HGF: variants seen among roughly 807,000 people sequenced by gnomAD.
HGF encodes the protein fibroblast-derived tumor cytotoxic factor.
Under a neutral mutation model 111.6 loss-of-function variants are expected in HGF, and 39 were observed. The ratio of observed to expected loss-of-function variants is 0.35; its 90% CI spans 0.27 to 0.46. HGF has a LOEUF of 0.46. Among genes scored for constraint, HGF ranks in the 20% least tolerant of loss-of-function variants. The pLI is 1.00. For synonymous variants in HGF, 285 were observed against 294.8 expected (o/e 0.97, Z 0.34); for missense variants, 735 against 910.5 (o/e 0.81, Z 2.48).
In HGF at chr7:81,745,016, T is replaced by G. The variant is rs1160466557; in HGVS notation, c.730A>C (p.Lys244Gln). 1.2e-6 allele frequency: 2 copies of G among 1,614,074 alleles called. No homozygotes were observed. Among genetic ancestry groups the G allele is most frequent in the Non-Finnish European group, 8.5e-7 (1 of 1,179,994 alleles). Residue 244 changes from lysine (K) to glutamine (Q), a missense_variant, in exon 6 of 18, where the codon AAA (lysine) becomes CAA (glutamine). By Grantham distance (53) the Lys-to-Gln change is moderately conservative (BLOSUM62 1). Around this residue, in one of 3 missense-constraint regions of HGF, gnomAD observed 553 missense variants for 685.6 expected, o/e 0.81. Transcript: ENST00000222390. The part of the protein sequence containing the change: ...RWDHQTPHRH[K>Q]FLPERYPDKG... ...ATATTTTACCTTTCAGGCAAGAATT[T>G]GTGCCGGTGTGGTGTCTGATGATCC... is the stretch of plus-strand genomic sequence containing the variant.
At chr7:81,757,962 T>C (rs1342325868) in intron 3 of HGF, among the ~76,000 whole-genome samples, 2 of 152,104 alleles carry the variant, frequency 1.3e-5, no homozygotes, top group African/African-American at 4.8e-5. Flanking sequence ...AAGATTAACT[T>C]ACTTCTACCA....
chr7:81,710,115 G>A, intron 13 of HGF, 32 bp downstream of exon 13: 2 of 1,336,666 alleles, frequency 1.5e-6, no homozygotes, highest in Non-Finnish European at 1.1e-6. Context: ...ACATATTCTG[G>A]ATATGCATGA....
At chr7:81,712,218 T>C (rs1417740889) in intron 11 of HGF, among the ~76,000 whole-genome samples, 1 of 152,158 alleles carries the variant, frequency 6.6e-6, no homozygotes. Context: ...AGCACTCGTG[T>C]TCATTATTGT....
In HGF at chr7:81,758,818, C is replaced by T. The variant is rs2116205214; in HGVS notation, c.255-14G>A. The stretch of plus-strand genomic sequence containing the variant: ...AAAACAAAAGCCCTGAAAAAAATAT[C>T]AGAATGAAAAGAAGAAATACTACTA... On this transcript the variant is annotated splice_polypyrimidine_tract_variant and intron_variant, in intron 2 of 17. Transcript: ENST00000222390. 6.5e-7 allele frequency: 1 copy of T among 1,536,574 alleles called. No individual in the cohort carries two copies. Among genetic ancestry groups the T allele is most frequent in the Non-Finnish European group, 9.0e-7 (1 of 1,110,556 alleles).
At chr7:81,746,624 A>G (rs1375134261) in intron 5 of HGF, among the ~76,000 whole-genome samples, 1 of 151,886 alleles carries the variant, frequency 6.6e-6, no homozygotes, top group Admixed American at 6.6e-5. Context: ...TACAATTTCT[A>G]CTCTTGTATA....
At chr7:81,733,308 T>C (rs1182593373) in intron 7 of HGF, among the ~76,000 whole-genome samples, 2 of 151,910 alleles carry the variant, frequency 1.3e-5, no homozygotes, top group Non-Finnish European at 2.9e-5. Flanking sequence ...TTAATACAAA[T>C]ATAATATTTT....
At chr7:81,734,813 G>A (rs577766989) in intron 7 of HGF, among the ~76,000 whole-genome samples, 33 of 152,048 alleles carry the variant, frequency 2.2e-4, no homozygotes, top group African/African-American at 7.5e-4. Context: ...TTACATCTAC[G>A]GTTTTCACCA....
chr7:81,736,248 A>T (rs1198618894), intron 7 of HGF, among the ~76,000 whole-genome samples: 1 of 152,138 alleles, frequency 6.6e-6, no homozygotes, highest in Non-Finnish European at 1.5e-5. Context: ...TAAACAATTC[A>T]TACGTTTCAA....
At chr7:81,766,122 G>T (rs997204372) in intron 1 of HGF, among the ~76,000 whole-genome samples, 1 of 152,150 alleles carries the variant, frequency 6.6e-6, no homozygotes. Flanking sequence ...AGAAAGTAGG[G>T]TCAAATGTAT....
chr7:81,722,350 A>C (rs1339966850), intron 9 of HGF, among the ~76,000 whole-genome samples: 1 of 151,508 alleles, frequency 6.6e-6, no homozygotes, highest in Non-Finnish European at 1.5e-5. Flanking sequence ...TTTTTAGTAG[A>C]GATGGGGTTT....
At chr7:81,703,814 G>A (rs1189237634) in intron 17 of HGF, among the ~76,000 whole-genome samples, 2 of 151,582 alleles carry the variant, frequency 1.3e-5, no homozygotes, top group Non-Finnish European at 3.0e-5. Flanking sequence ...GAGAGCCATT[G>A]GCATTCTGTG....
chr7:81,747,868 G>A (rs1196769759), intron 5 of HGF, among the ~76,000 whole-genome samples: 1 of 152,108 alleles, frequency 6.6e-6, no homozygotes, highest in Admixed American at 6.5e-5. Context: ...AGGAGGTGGA[G>A]GCTGCACTGA....
At chr7:81,721,010 C>G (rs568939764) in intron 9 of HGF, among the ~76,000 whole-genome samples, 163 bp from the exon 10 acceptor site, 1 of 152,318 alleles carries the variant, frequency 6.6e-6, no homozygotes, top group Admixed American at 6.5e-5. Flanking sequence ...CTTTGGGAGG[C>G]CAAGGCGGGC....
intron 9 of HGF, among the ~76,000 whole-genome samples, chr7:81,723,391 A>G (rs1307355916): frequency 1.3e-5 from 2 of 152,080 alleles, no homozygotes; most frequent in Non-Finnish European, 2.9e-5. Flanking sequence ...ATGCCTATGG[A>G]TATATCAAAT....
At chr7:81,726,803 T>G (rs1790023883) in intron 8 of HGF, among the ~76,000 whole-genome samples, 1 of 151,968 alleles carries the variant, frequency 6.6e-6, no homozygotes, top group Non-Finnish European at 1.5e-5. Flanking sequence ...CTTTTAATGG[T>G]TTTCTATCAA....
chr7:81,753,221 A>G (rs576508137), intron 4 of HGF, among the ~76,000 whole-genome samples: 1 of 152,192 alleles, frequency 6.6e-6, no homozygotes, highest in South Asian at 2.1e-4. Context: ...AGTCTTTTTT[A>G]TACTTTTGTA....
intron 1 of HGF, among the ~76,000 whole-genome samples, chr7:81,765,318 T>A (rs1044940921): frequency 1.3e-5 from 2 of 152,112 alleles, no homozygotes; most frequent in African/African-American, 4.8e-5. Flanking sequence ...ATCTCCTCAA[T>A]TGTCCTACTG....
chr7:81,727,039 TTTTTTTTTTG>T (rs1562882644), intron 8 of HGF, among the ~76,000 whole-genome samples: 1 of 82,224 alleles, frequency 1.2e-5, no homozygotes, highest in East Asian at 3.8e-4. Flanking sequence ...GAAACTGAGG[TTTTTTTTTTG>T]TTTTTTTTTT....
At chr7:81,723,271 A>T (rs1272899890) in intron 9 of HGF, among the ~76,000 whole-genome samples, 3 of 152,164 alleles carry the variant, frequency 2.0e-5, no homozygotes, top group Non-Finnish European at 4.4e-5. Context: ...GCAAGAGAAG[A>T]GGACACTTCT....
Sources: gnomAD v4.1 joint callset for allele counts (sites outside exome capture counted in the v4.1 genomes callset) on GRCh38, gnomAD v4.1.1 for gene constraint, gnomAD v4.1.1 regional missense constraint, MANE v1.5 for transcripts, NCBI Gene and HGNC (gene_info 2026-07-23, HGNC 2026-07-21) for gene names.